GALNT13: variants seen among roughly 807,000 people sequenced by gnomAD.
GALNT13 encodes polypeptide N-acetylgalactosaminyltransferase 13, also known as UDP-GalNAc:polypeptide N-acetylgalactosaminyltransferase 13.
Under a neutral mutation model 64.2 loss-of-function variants are expected in GALNT13, and 28 were observed. The observed-to-expected ratio is 0.44, with a 90% confidence interval of 0.32 to 0.60. The LOEUF (loss-of-function observed/expected upper bound fraction) is 0.60. GALNT13 is among the 20% of genes least tolerant of loss of function. The pLI is 0.05. For synonymous variants in GALNT13, 214 were observed against 224.6 expected, an observed-to-expected ratio of 0.95 and a Z score of 0.42; for missense variants, 577 against 669.8, an observed-to-expected ratio of 0.86 and a Z score of 1.53.
the GALNT13 span, among the ~76,000 whole-genome samples, chr2:153,107,470 A>C: frequency 6.6e-6 from 1 of 152,262 alleles, no homozygotes; most frequent in East Asian, 1.9e-4. Flanking sequence ...ACTCTTTTTA[A>C]TTCATTTTAA....
the GALNT13 span, among the ~76,000 whole-genome samples, chr2:153,866,756 G>A: frequency 1.3e-5 from 2 of 152,030 alleles, no homozygotes; most frequent in African/African-American, 2.4e-5. Context: ...TTTAACAAAA[G>A]ATTTTATGCT....
At chr2:154,027,309 G>C (rs1209196275) in intron 3 of GALNT13, among the ~76,000 whole-genome samples, 1 of 152,072 alleles carries the variant, frequency 6.6e-6, no homozygotes, top group African/African-American at 2.4e-5. Flanking sequence ...AACAATGTCA[G>C]TAACGTAACA....
At chr2:153,345,647 C>CTTTCTTT in the GALNT13 span, among the ~76,000 whole-genome samples, 150 of 118,186 alleles carry the variant, frequency 1.3e-3, 3 homozygotes, top group African/African-American at 4.5e-3. Context: ...TTCTTTCTTT[C>CTTTCTTT]TTTCTTTCTT....
chr2:153,355,506 C>A, the GALNT13 span, among the ~76,000 whole-genome samples: 1 of 152,070 alleles, frequency 6.6e-6, no homozygotes, highest in South Asian at 2.1e-4. Context: ...GTGAACCCAG[C>A]CCATGGCATA....
intron 3 of GALNT13, among the ~76,000 whole-genome samples, chr2:154,080,117 G>A (rs1436628132): frequency 1.3e-5 from 2 of 151,580 alleles, no homozygotes; most frequent in Non-Finnish European, 3.0e-5. Context: ...AGATACGTGC[G>A]TGTGTTATTT....
chr2:153,213,021 T>G, the GALNT13 span, among the ~76,000 whole-genome samples: 1 of 152,208 alleles, frequency 6.6e-6, no homozygotes, highest in Admixed American at 6.5e-5. Flanking sequence ...ATTTGAACAC[T>G]GCCTAATGAA....
the GALNT13 span, among the ~76,000 whole-genome samples, chr2:153,289,087 TA>T: frequency 6.6e-6 from 1 of 152,210 alleles, no homozygotes; most frequent in African/African-American, 2.4e-5. Flanking sequence ...CTTTTTACCA[TA>T]AGTGTATGTT....
At chr2:153,129,842 T>C in the GALNT13 span, among the ~76,000 whole-genome samples, 2 of 152,142 alleles carry the variant, frequency 1.3e-5, no homozygotes, top group African/African-American at 4.8e-5. Flanking sequence ...GTAGAAACTC[T>C]AGGTCTGCTA....
intron 2 of GALNT13, among the ~76,000 whole-genome samples, chr2:153,922,468 T>C (rs1689823373): frequency 6.6e-6 from 1 of 152,220 alleles, no homozygotes; most frequent in Non-Finnish European, 1.5e-5. Flanking sequence ...TATGAAAATA[T>C]ATAATCTTTA....
chr2:154,405,842 G>T (rs1699510675), intron 10 of GALNT13, among the ~76,000 whole-genome samples: 1 of 152,092 alleles, frequency 6.6e-6, no homozygotes, highest in African/African-American at 2.4e-5. Context: ...TACATTGTAG[G>T]AAATCTCCCA....
At chr2:153,679,042 C>G in the GALNT13 span, among the ~76,000 whole-genome samples, 2 of 151,980 alleles carry the variant, frequency 1.3e-5, no homozygotes, top group Non-Finnish European at 2.9e-5. Flanking sequence ...TGCCTCCTAC[C>G]TATGTTATCA....
intron 3 of GALNT13, among the ~76,000 whole-genome samples, chr2:153,960,268 C>T (rs1558875657): frequency 6.6e-6 from 1 of 152,216 alleles, no homozygotes; most frequent in Non-Finnish European, 1.5e-5. Context: ...TCATTAATCA[C>T]CCACTGCCAT....
At chr2:154,421,743 A>G (rs1276224192) in intron 11 of GALNT13, among the ~76,000 whole-genome samples, 1 of 152,080 alleles carries the variant, frequency 6.6e-6, no homozygotes, top group African/African-American at 2.4e-5. Flanking sequence ...GCAGTATGAA[A>G]TGGGTTTTTT....
At chr2:153,309,883 C>T in the GALNT13 span, among the ~76,000 whole-genome samples, 1 of 152,110 alleles carries the variant, frequency 6.6e-6, no homozygotes, top group Non-Finnish European at 1.5e-5. Context: ...GAAGCTCAAC[C>T]CTTCAGAATA....
chr2:154,054,820 C>G (rs938605190), intron 3 of GALNT13, among the ~76,000 whole-genome samples: 2 of 151,810 alleles, frequency 1.3e-5, no homozygotes, highest in African/African-American at 2.4e-5. Flanking sequence ...TCACAGGAAG[C>G]TTTATGAAAT....
chr2:153,662,083 C>T, the GALNT13 span, among the ~76,000 whole-genome samples: 1 of 152,096 alleles, frequency 6.6e-6, no homozygotes, highest in Admixed American at 6.6e-5. Flanking sequence ...GGAATGTTGA[C>T]GTCCGACATC....
Position 154,428,795 on chromosome 2 carries a change from T to A in GALNT13, c.1396-9797T>A, listed in dbSNP as rs1001396912. On this transcript the variant is annotated intron_variant, in intron 11 of 12. Transcript: ENST00000392825. The stretch of plus-strand genomic sequence containing the variant: ...ATCAGTGATTTTTTTTTTTTTTTTT[T>A]ATTTGAGATGGAGTCTCGCTCTGTC... Among the ~76,000 whole-genome samples the A allele has an allele frequency of 8.6e-3, 1,263 of 146,832 alleles. 24 individuals carry two copies. The highest frequency in any genetic ancestry group is 0.03 in the African/African-American group (1,165 of 38,786).
At chr2:153,907,193 G>A (rs1471138076) in intron 2 of GALNT13, among the ~76,000 whole-genome samples, 1 of 151,634 alleles carries the variant, frequency 6.6e-6, no homozygotes. Context: ...CCATTTTGTA[G>A]GTTGCCTTTT....
At chr2:153,417,733 T>G in the GALNT13 span, among the ~76,000 whole-genome samples, 1 of 152,282 alleles carries the variant, frequency 6.6e-6, no homozygotes, top group South Asian at 2.1e-4. Flanking sequence ...TTGGAGTATA[T>G]TAAATTTGAG....
Sources: gnomAD v4.1 joint callset for allele counts (sites outside exome capture counted in the v4.1 genomes callset) on GRCh38, gnomAD v4.1.1 for gene constraint, MANE v1.5 for transcripts, NCBI Gene and HGNC (gene_info 2026-07-23, HGNC 2026-07-21) for gene names.